TRPV2: variants seen among roughly 807,000 people sequenced by gnomAD.
TRPV2 encodes OTRPC2.
In TRPV2, 58 loss-of-function variants were observed where a neutral mutation model predicts 91.0. The ratio of observed to expected loss-of-function variants is 0.64; its 90% confidence interval spans 0.52 to 0.79. TRPV2 has a LOEUF of 0.79. Ranked by LOEUF, TRPV2 falls within the 30% of genes least tolerant of loss-of-function variation. The pLI is 0.00. For missense variants in TRPV2, 807 were observed against 969.6 expected (o/e 0.83, Z 2.23); for synonymous variants, 417 against 414.8 (o/e 1.01, Z -0.06).
At position 16,423,460 on chromosome 17, in the gene TRPV2, G is replaced by A. The variant is rs1466353018; in HGVS notation, c.626-9G>A. ...GGCCTGGGGCCCAAGCTGCTCTCTTGGCCTGCAGGTGAGCTACCCCTCTCT... is the reference window on the plus strand; with the variant it reads ...GGCCTGGGGCCCAAGCTGCTCTCTTAGCCTGCAGGTGAGCTACCCCTCTCT... On this transcript the variant is annotated splice_polypyrimidine_tract_variant and intron_variant, in intron 4 of 14. Coordinates refer to ENST00000338560, the MANE Select transcript of TRPV2 (RefSeq NM_016113.5). 6.3e-7 allele frequency: 1 copy of A among 1,590,102 alleles called. No homozygotes were observed. Among genetic ancestry groups the A allele is most frequent in the South Asian group, 1.1e-5 (1 of 87,288 alleles).
chr17:16,419,011 T>A (rs2093343913), intron 2 of TRPV2, among the ~76,000 whole-genome samples: 1 of 151,246 alleles, frequency 6.6e-6, no homozygotes, highest in Non-Finnish European at 1.5e-5. Flanking sequence ...AGCCTGGGTG[T>A]CAGTGTGACT....
chr17:16,429,412 T>A (rs2093399690), intron 10 of TRPV2, among the ~76,000 whole-genome samples: 1 of 152,074 alleles, frequency 6.6e-6, no homozygotes, highest in Admixed American at 6.6e-5. Context: ...AAGTCCTTGC[T>A]CCCCTGAAGC....
intron 8 of TRPV2, 121 bp downstream of exon 8, chr17:16,427,668 C>T: frequency 1.1e-6 from 1 of 897,620 alleles, no homozygotes; most frequent in Non-Finnish European, 1.6e-6. Context: ...AGCAACCAGC[C>T]TCACTGAAGC....
intron 2 of TRPV2, 54 bp downstream of exon 2, chr17:16,417,922 G>A (rs2093339352): frequency 6.5e-7 from 1 of 1,527,406 alleles, no homozygotes; most frequent in South Asian, 1.2e-5. Context: ...AGCTCCAGCA[G>A]AGCACCCGGA....
chr17:16,431,913 A>C (rs745466406), intron 11 of TRPV2, 53 bp from the exon 12 acceptor site: 33 of 1,612,382 alleles, frequency 2.0e-5, no homozygotes, highest in Non-Finnish European at 2.8e-5. Context: ...GTACACTCCC[A>C]AGGCTGCCCA....
At chr17:16,417,892 G>T in intron 2 of TRPV2, 24 bp downstream of exon 2, 1 of 1,607,778 alleles carries the variant, frequency 6.2e-7, no homozygotes, top group South Asian at 1.1e-5. Context: ...TGGGGGCAGG[G>T]CAAAGGGGGC....
At position 16,431,287 on chromosome 17, in the gene TRPV2, ACATATTTTTTT is replaced by A. The variant is rs1238072360; in HGVS notation, c.1588-496_1588-486del. Among the ~76,000 whole-genome samples the A allele has an allele frequency of 2.8e-4, 7 of 25,440 alleles. No individual in the cohort carries two copies. In the East Asian group the frequency reaches 3.3e-3, roughly 12 times the overall value. The allele number at this position is 25,440 out of a possible 152,430, so 16.7% of individuals were successfully genotyped here. A position where few individuals can be genotyped will look rare whatever the true frequency, so the allele number is the denominator to read the frequency against. ...TATATATATATATATATATATATAT[ACATATTTTTTT>A]TTTTTTTTTTTTTGAGACGAAGTCT... On this transcript the variant is annotated intron_variant, in intron 10 of 14. Coordinates refer to ENST00000338560, the MANE Select transcript of TRPV2 (RefSeq NM_016113.5).
chr17:16,433,382 T>C (rs1314585415), intron 12 of TRPV2, 192 bp from the exon 13 acceptor site: 6 of 679,630 alleles, frequency 8.8e-6, no homozygotes, highest in East Asian at 5.9e-5. Flanking sequence ...GAAACTGAGA[T>C]GCAGAGAGGC....
At chr17:16,427,398 C>A in intron 7 of TRPV2, 51 bp from the exon 8 acceptor site, 1 of 1,555,958 alleles carries the variant, frequency 6.4e-7, no homozygotes, top group Non-Finnish European at 8.8e-7. Context: ...GAAGGGTGAG[C>A]TGTTCGAGAG....
chr17:16,417,057 G>A (rs1216640217), intron 1 of TRPV2, among the ~76,000 whole-genome samples: 1 of 152,042 alleles, frequency 6.6e-6, no homozygotes, highest in African/African-American at 2.4e-5. Flanking sequence ...TCTTCCTGGG[G>A]GACAACATCA....
At chr17:16,418,699 T>TA (rs1025533463) in intron 2 of TRPV2, among the ~76,000 whole-genome samples, 2 of 152,068 alleles carry the variant, frequency 1.3e-5, no homozygotes, top group African/African-American at 4.8e-5. Context: ...GACGGGCCCT[T>TA]GATGCTTTCA....
At chr17:16,436,228 C>T (rs1468524124) in intron 14 of TRPV2, among the ~76,000 whole-genome samples, 1 of 152,200 alleles carries the variant, frequency 6.6e-6, no homozygotes, top group Admixed American at 6.5e-5. Flanking sequence ...TTACCCATTG[C>T]AGTCCTGCTA....
At chr17:16,419,996 TG>T in intron 2 of TRPV2, 118 bp from the exon 3 acceptor site, 1 of 1,413,108 alleles carries the variant, frequency 7.1e-7, no homozygotes, top group Non-Finnish European at 9.5e-7. Flanking sequence ...ACTGGGCTCC[TG>T]GGCCTGAGGG....
intron 3 of TRPV2, 32 bp downstream of exon 3, chr17:16,420,280 C>A (rs1454183395): frequency 6.4e-7 from 1 of 1,571,564 alleles, no homozygotes. Context: ...CAAGGCTAGG[C>A]ATCCTGTGAG....
At chr17:16,424,117 G>A (rs1431880446) in intron 5 of TRPV2, among the ~76,000 whole-genome samples, 1 of 150,854 alleles carries the variant, frequency 6.6e-6, no homozygotes, top group Non-Finnish European at 1.5e-5. Context: ...AGCCTCCCAA[G>A]TAGCTGGGAT....
intron 12 of TRPV2, chr17:16,433,253 C>T (rs980076487): frequency 9.2e-5 from 25 of 272,950 alleles, no homozygotes; most frequent in Non-Finnish European, 1.5e-4. Context: ...AGTTCTGTTC[C>T]TGGTGGTGTG....
intron 5 of TRPV2, among the ~76,000 whole-genome samples, chr17:16,423,979 T>C (rs1423631128): frequency 6.6e-6 from 1 of 152,194 alleles, no homozygotes; most frequent in Non-Finnish European, 1.5e-5. Flanking sequence ...ATATATTACA[T>C]TATAAAACAT....
intron 10 of TRPV2, among the ~76,000 whole-genome samples, chr17:16,431,169 A>G (rs2093408074): frequency 6.8e-6 from 1 of 148,020 alleles, no homozygotes; most frequent in Non-Finnish European, 1.5e-5. Context: ...CTCCTGTCTC[A>G]GCCTCCTGAG....
chr17:16,429,137 G>A lies in TRPV2; in HGVS notation c.1587+155G>A, dbSNP rs145208709. Among the ~76,000 whole-genome samples the A allele has an allele frequency of 5.9e-5, 9 of 152,332 alleles. No individual in the cohort carries two copies. The East Asian group carries it at 1.7e-3, about 29-fold the overall frequency. ...TGGATGGAAGCTTAAGTACAGGCCT[G>A]CACATACCTCTCTCAGGGCTCTGCA... On this transcript the variant is annotated intron_variant, in intron 10 of 14. Transcript: ENST00000338560.
Sources: allele counts gnomAD v4.1 joint callset (sites outside exome capture counted in the v4.1 genomes callset), GRCh38; gene constraint gnomAD v4.1.1; transcripts MANE v1.5; gene names NCBI Gene and HGNC (gene_info 2026-07-23, HGNC 2026-07-21).